ADAMTS14: variants seen among roughly 807,000 people sequenced by gnomAD.
ADAMTS14 encodes ADAM metallopeptidase with thrombospondin type 1 motif 14, also known as A disintegrin and metalloproteinase with thrombospondin motifs 14.
ADAMTS14 carries 100 observed loss-of-function variants against 128.6 expected under a neutral mutation model. The observed-to-expected ratio is 0.78, with a 90% CI of 0.66 to 0.92. ADAMTS14 has a LOEUF of 0.92. Ranked by LOEUF, ADAMTS14 falls within the 40% of genes least tolerant of loss-of-function variation. The probability of loss-of-function intolerance (pLI) is 0.00; values close to 1 mark genes in which losing one functional copy is unlikely to be tolerated. For synonymous variants in ADAMTS14, 665 were observed against 653.8 expected (o/e 1.02, Z -0.26); for missense variants, 1,562 against 1,658.6 (o/e 0.94, Z 1.01).
At chr10:70,747,171 T>A (rs192176539) in intron 15 of ADAMTS14, among the ~76,000 whole-genome samples, 8 of 152,296 alleles carry the variant, frequency 5.3e-5, no homozygotes, top group East Asian at 3.9e-4. Flanking sequence ...CACCTCCCCT[T>A]AACACAGCTC....
At chr10:70,699,887 A>G (rs764990805) in intron 2 of ADAMTS14, among the ~76,000 whole-genome samples, 2 of 152,052 alleles carry the variant, frequency 1.3e-5, no homozygotes, top group Admixed American at 1.3e-4. Context: ...ATGGACCGAG[A>G]CGGTGCAGGC....
intron 15 of ADAMTS14, among the ~76,000 whole-genome samples, chr10:70,746,473 T>C (rs1396492470): frequency 6.6e-6 from 1 of 152,098 alleles, no homozygotes; most frequent in Non-Finnish European, 1.5e-5. Flanking sequence ...TTTGGGGCGA[T>C]GAAAATGTTC....
intron 4 of ADAMTS14, among the ~76,000 whole-genome samples, chr10:70,718,039 T>C (rs1841113217): frequency 1.3e-5 from 2 of 152,226 alleles, no homozygotes; most frequent in Admixed American, 1.3e-4. Flanking sequence ...GGCTGTCAGA[T>C]CAGGGCCTTG....
intron 10 of ADAMTS14, among the ~76,000 whole-genome samples, chr10:70,737,060 C>G (rs1841850391): frequency 6.6e-6 from 1 of 152,188 alleles, no homozygotes; most frequent in Admixed American, 6.5e-5. Context: ...GCCCATCTGA[C>G]AGGAAGGCTT....
At chr10:70,675,223 G>A (rs1839610696) in intron 2 of ADAMTS14, among the ~76,000 whole-genome samples, 1 of 152,210 alleles carries the variant, frequency 6.6e-6, no homozygotes, top group African/African-American at 2.4e-5. Flanking sequence ...GGACCCAGCT[G>A]GATCACAAGC....
At chr10:70,732,186 G>T in intron 6 of ADAMTS14, 68 bp from the exon 7 acceptor site, 2 of 1,369,284 alleles carry the variant, frequency 1.5e-6, no homozygotes, top group Admixed American at 1.8e-5. Flanking sequence ...GCTGGGCACA[G>T]ACCTCAGTGT....
intron 4 of ADAMTS14, among the ~76,000 whole-genome samples, chr10:70,716,546 A>T (rs1589292759): frequency 1.3e-5 from 2 of 152,188 alleles, no homozygotes; most frequent in East Asian, 3.9e-4. Context: ...GGGGACCAGC[A>T]GCTCATCCTG....
chr10:70,713,797 G>A (rs751090292), intron 4 of ADAMTS14, among the ~76,000 whole-genome samples: 35 of 152,208 alleles, frequency 2.3e-4, no homozygotes, highest in African/African-American at 6.0e-4. Context: ...AAAGCATGCG[G>A]ACAGGAAGAA....
intron 10 of ADAMTS14, among the ~76,000 whole-genome samples, chr10:70,738,586 A>T (rs1841898854): frequency 6.6e-6 from 1 of 152,148 alleles, no homozygotes; most frequent in African/African-American, 2.4e-5. Context: ...TCATCATAAG[A>T]TCTGCCATTT....
In ADAMTS14 at chr10:70,720,450, A is replaced by C. The variant is rs184075819; in HGVS notation, c.871-8844A>C. Among the ~76,000 whole-genome samples the C allele has an allele frequency of 1.9e-3, 297 of 152,326 alleles. 1 individual carries two copies. Among genetic ancestry groups the C allele is most frequent in the African/African-American group, 6.6e-3 (274 of 41,576 alleles). On this transcript the variant is annotated intron_variant, in intron 4 of 21. Transcript: ENST00000373207. ...GCATAAAATCATGGGGTATCTGACC[A>C]TCATGGAGCCTTAGATTTGATGAAA...
chr10:70,718,551 A>G (rs1841136044), intron 4 of ADAMTS14, among the ~76,000 whole-genome samples: 1 of 151,476 alleles, frequency 6.6e-6, no homozygotes, highest in African/African-American at 2.4e-5. Context: ...ACACCCAGGT[A>G]ATTTTTGTAT....
At chr10:70,724,934 G>A (rs1234736988) in intron 4 of ADAMTS14, among the ~76,000 whole-genome samples, 2 of 152,060 alleles carry the variant, frequency 1.3e-5, no homozygotes, top group South Asian at 2.1e-4. Context: ...TGTGCTTTAG[G>A]CTTCCTTTTT....
intron 2 of ADAMTS14, among the ~76,000 whole-genome samples, chr10:70,698,956 T>C (rs1840415269): frequency 6.6e-6 from 1 of 152,152 alleles, no homozygotes; most frequent in Non-Finnish European, 1.5e-5. Context: ...CCATTTCTTT[T>C]ATGGGCTGTG....
intron 2 of ADAMTS14, among the ~76,000 whole-genome samples, chr10:70,680,795 C>A (rs1267907397): frequency 1.3e-5 from 2 of 152,176 alleles, no homozygotes; most frequent in African/African-American, 4.8e-5. Flanking sequence ...GCGTGCACCA[C>A]CATGCCCAGC....
chr10:70,720,413 A>G (rs1162892865), intron 4 of ADAMTS14, among the ~76,000 whole-genome samples: 2 of 152,306 alleles, frequency 1.3e-5, no homozygotes, highest in Non-Finnish European at 1.5e-5. Flanking sequence ...GGGCCTACCA[A>G]TGTGGTATGT....
At chr10:70,732,751 C>T (rs971858049) in intron 7 of ADAMTS14, among the ~76,000 whole-genome samples, 3 of 152,200 alleles carry the variant, frequency 2.0e-5, no homozygotes, top group African/African-American at 7.2e-5. Flanking sequence ...CTTTCTAAGA[C>T]TTGATCCAGC....
At chr10:70,750,116 C>A in intron 16 of ADAMTS14, 131 bp downstream of exon 16, 1 of 1,197,964 alleles carries the variant, frequency 8.3e-7, no homozygotes, top group Non-Finnish European at 1.2e-6. Flanking sequence ...AAGGCACCTT[C>A]CATCCTGGGA....
At chr10:70,727,949 A>G (rs1460791109) in intron 4 of ADAMTS14, among the ~76,000 whole-genome samples, 1 of 152,134 alleles carries the variant, frequency 6.6e-6, no homozygotes, top group East Asian at 1.9e-4. Context: ...CAAAATAATT[A>G]GAAGGGTGTG....
At chr10:70,705,350 A>G (rs1225386325) in intron 3 of ADAMTS14, among the ~76,000 whole-genome samples, 6 of 152,126 alleles carry the variant, frequency 3.9e-5, no homozygotes, top group Non-Finnish European at 1.5e-5. Flanking sequence ...TCCTGAGGAC[A>G]CTAATGGGGT....
Sources: allele counts gnomAD v4.1 joint callset (sites outside exome capture counted in the v4.1 genomes callset), GRCh38; gene constraint gnomAD v4.1.1; transcripts MANE v1.5; gene names NCBI Gene and HGNC (gene_info 2026-07-23, HGNC 2026-07-21).